Variants in LRP1B observed in about 807,000 individuals in gnomAD.
LRP1B encodes low-density lipoprotein receptor-related protein 1B.
In LRP1B, 217 loss-of-function variants were observed where a neutral mutation model predicts 556.6. The ratio of observed to expected loss-of-function variants is 0.39; its 90% CI spans 0.35 to 0.44. LRP1B has a LOEUF of 0.44. Among genes scored for constraint, LRP1B ranks in the 20% least tolerant of loss-of-function variants. The pLI, the probability that LRP1B is intolerant of heterozygous loss-of-function variation, is 1.00. For synonymous variants in LRP1B, 2,047 were observed against 1,865.8 expected (o/e 1.10, Z -2.50); for missense variants, 5,053 against 5,620.8 (o/e 0.90, Z 3.23).
intron 2 of LRP1B, among the ~76,000 whole-genome samples, chr2:141,701,582 G>A (rs1046466037): frequency 8.6e-5 from 13 of 151,860 alleles, no homozygotes; most frequent in Admixed American, 7.9e-4. Flanking sequence ...CTACCCCCAA[G>A]AACCTGCCTC....
intron 2 of LRP1B, among the ~76,000 whole-genome samples, chr2:141,573,720 A>T (rs930682780): frequency 2.0e-5 from 3 of 152,014 alleles, no homozygotes; most frequent in Non-Finnish European, 4.4e-5. Flanking sequence ...CATAAAGAAG[A>T]AGAGAGAGAA....
chr2:141,373,621 T>G (rs537003134), intron 3 of LRP1B, among the ~76,000 whole-genome samples: 1 of 152,174 alleles, frequency 6.6e-6, no homozygotes, highest in South Asian at 2.1e-4. Context: ...TGTTTGATTT[T>G]AAAAGTCTGT....
At position 140,601,548 on chromosome 2, in the gene LRP1B, A is replaced by T. The variant is rs372628878; in HGVS notation, c.6891T>A (p.Thr2297=). 1 of 1,613,234 alleles carries T rather than the reference A, an allele frequency of 6.2e-7. No homozygotes were observed. Among genetic ancestry groups the T allele is most frequent in the African/African-American group, 1.3e-5 (1 of 74,988 alleles). The change falls in exon 42 of 91, where the codon ACT becomes ACA. Residue 2297 remains threonine, a synonymous_variant. Coordinates refer to ENST00000389484, the MANE Select transcript of LRP1B (RefSeq NM_018557.3). ...SSTTSSITRH[T]VDQTRPGAFD... Reference sequence around the variant, plus strand: ...ATGCTCCAGGCCGAGTCTGGTCCACAGTGTGTCTGGTGATGGATGAGGTGG... The same window carrying T: ...ATGCTCCAGGCCGAGTCTGGTCCACTGTGTGTCTGGTGATGGATGAGGTGG...
At chr2:140,922,340 A>G (rs1015501351) in intron 21 of LRP1B, among the ~76,000 whole-genome samples, 3 of 151,828 alleles carry the variant, frequency 2.0e-5, no homozygotes, top group African/African-American at 7.3e-5. Context: ...CCAAAATGGA[A>G]CAGTCATAGT....
At chr2:140,536,036 C>T (rs1049758751) in intron 46 of LRP1B, among the ~76,000 whole-genome samples, 1 of 151,914 alleles carries the variant, frequency 6.6e-6, no homozygotes. Context: ...GTAAGCCTGT[C>T]CATATCCAAA....
chr2:140,762,683 C>T (rs1360592131), intron 35 of LRP1B, among the ~76,000 whole-genome samples: 1 of 151,890 alleles, frequency 6.6e-6, no homozygotes, highest in Non-Finnish European at 1.5e-5. Context: ...AAAAATAAGG[C>T]CAAATGATAA....
chr2:141,575,523 T>C (rs35559883), intron 2 of LRP1B, among the ~76,000 whole-genome samples: 1 of 152,088 alleles, frequency 6.6e-6, no homozygotes, highest in Non-Finnish European at 1.5e-5. Flanking sequence ...GGCAATATCA[T>C]TCAGGACACA....
chr2:141,351,470 C>T (rs761293696), intron 3 of LRP1B, among the ~76,000 whole-genome samples: 4 of 151,910 alleles, frequency 2.6e-5, no homozygotes, highest in Non-Finnish European at 4.4e-5. Flanking sequence ...GTTCTATATA[C>T]AAATAGTGAT....
intron 41 of LRP1B, among the ~76,000 whole-genome samples, chr2:140,618,617 A>G (rs914636631): frequency 6.6e-6 from 1 of 152,188 alleles, no homozygotes; most frequent in Admixed American, 6.5e-5. Context: ...AAACTAAAAC[A>G]TAAGAACAAA....
chr2:142,008,799 A>G (rs1702871920), intron 1 of LRP1B, among the ~76,000 whole-genome samples: 1 of 152,008 alleles, frequency 6.6e-6, no homozygotes, highest in African/African-American at 2.4e-5. Flanking sequence ...CCTGCCTTAC[A>G]TGTTATATGT....
At chr2:142,011,962 C>CA (rs1055774497) in intron 1 of LRP1B, among the ~76,000 whole-genome samples, 5 of 151,416 alleles carry the variant, frequency 3.3e-5, no homozygotes, top group Non-Finnish European at 5.9e-5. Flanking sequence ...TAATGGAACC[C>CA]AAAAAAAGAA....
intron 55 of LRP1B, among the ~76,000 whole-genome samples, chr2:140,498,523 C>T (rs1689044480): frequency 6.6e-6 from 1 of 151,810 alleles, no homozygotes; most frequent in Non-Finnish European, 1.5e-5. Context: ...TGCAAATTGG[C>T]CACAGTCCAT....
intron 7 of LRP1B, among the ~76,000 whole-genome samples, chr2:141,168,974 A>G (rs1267249621): frequency 6.6e-6 from 1 of 152,022 alleles, no homozygotes; most frequent in Admixed American, 6.6e-5. Flanking sequence ...TTTATTCCTA[A>G]GAGCAAAGTT....
intron 1 of LRP1B, among the ~76,000 whole-genome samples, chr2:142,125,706 G>C (rs1310136297): frequency 6.6e-6 from 1 of 151,760 alleles, no homozygotes; most frequent in African/African-American, 2.4e-5. Flanking sequence ...CTAGACAATG[G>C]TTTGTGACAC....
At chr2:141,374,496 C>T (rs925088363) in intron 3 of LRP1B, among the ~76,000 whole-genome samples, 6 of 152,064 alleles carry the variant, frequency 3.9e-5, no homozygotes, top group Non-Finnish European at 5.9e-5. Context: ...CTCTTGCTGC[C>T]GGGAATACCA....
At chr2:140,336,241 A>G (rs1012292177) in intron 77 of LRP1B, among the ~76,000 whole-genome samples, 1 of 151,992 alleles carries the variant, frequency 6.6e-6, no homozygotes, top group Non-Finnish European at 1.5e-5. Context: ...GTTCAACATC[A>G]TGACTATGAA....
chr2:140,598,483 T>A, intron 43 of LRP1B, 148 bp downstream of exon 43: 2 of 632,674 alleles, frequency 3.2e-6, no homozygotes, highest in South Asian at 4.0e-5. Flanking sequence ...TTCTTATGTG[T>A]GTGATAGATT....
chr2:140,954,611 A>G (rs965500004), intron 18 of LRP1B, among the ~76,000 whole-genome samples: 4 of 152,030 alleles, frequency 2.6e-5, no homozygotes, highest in African/African-American at 9.7e-5. Context: ...ACTAAAAAAC[A>G]GTCAAAAAAT....
intron 7 of LRP1B, among the ~76,000 whole-genome samples, chr2:141,179,215 C>G (rs145805335): frequency 0.015 from 2,237 of 151,880 alleles, 23 homozygotes; most frequent in Middle Eastern, 0.041. Context: ...TTGTAGAGCT[C>G]CAAACACTTT....
Sources: gnomAD v4.1 joint callset for allele counts (sites outside exome capture counted in the v4.1 genomes callset) on GRCh38, gnomAD v4.1.1 for gene constraint, MANE v1.5 for transcripts, NCBI Gene and HGNC (gene_info 2026-07-23, HGNC 2026-07-21) for gene names.